Variants in NMNAT2 observed in about 807,000 individuals in gnomAD.
The protein encoded by NMNAT2 is nicotinamide nucleotide adenylyltransferase 2.
NMNAT2 carries 11 observed loss-of-function variants against 41.6 expected under a neutral mutation model. That is an observed-to-expected ratio of 0.26 (90% CI 0.17 to 0.44). The LOEUF (loss-of-function observed/expected upper bound fraction) is 0.44. Ranked by LOEUF, NMNAT2 falls within the 20% of genes least tolerant of loss-of-function variation. NMNAT2 has a pLI of 1.00. For synonymous variants in NMNAT2, 148 were observed against 151.2 expected, an observed-to-expected ratio of 0.98 and a Z score of 0.16; for missense variants, 288 against 407.7, an observed-to-expected ratio of 0.71 and a Z score of 2.53.
chr1:183,287,402 G>A (rs1333511646), intron 4 of NMNAT2, among the ~76,000 whole-genome samples: 1 of 152,224 alleles, frequency 6.6e-6, no homozygotes, highest in Non-Finnish European at 1.5e-5. Context: ...AGGCAGCACA[G>A]GATGTGTTTG....
At chr1:183,364,388 C>A (rs1418511825) in intron 1 of NMNAT2, among the ~76,000 whole-genome samples, 3 of 152,178 alleles carry the variant, frequency 2.0e-5, no homozygotes, top group African/African-American at 7.2e-5. Flanking sequence ...TCTGGTATCC[C>A]ATTGGCAACT....
chr1:183,284,846 G>A, intron 5 of NMNAT2, 56 bp from the exon 6 acceptor site: 1 of 1,458,836 alleles, frequency 6.9e-7, no homozygotes, highest in Non-Finnish European at 9.6e-7. Context: ...ACTCACAACT[G>A]GCACTCATGT....
At chr1:183,292,679 C>T (rs1159519476) in intron 3 of NMNAT2, 111 bp downstream of exon 3, 1 of 961,054 alleles carries the variant, frequency 1.0e-6, no homozygotes, top group African/African-American at 1.6e-5. Flanking sequence ...CTTGCCCCTG[C>T]CTCCCCATCC....
chr1:183,256,333 C>T (rs1660515246), intron 10 of NMNAT2, among the ~76,000 whole-genome samples: 1 of 152,024 alleles, frequency 6.6e-6, no homozygotes, highest in African/African-American at 2.4e-5. Context: ...CACGTGAACC[C>T]AGGAGGCGGA....
chr1:183,350,054 A>C (rs1437142236), intron 1 of NMNAT2, among the ~76,000 whole-genome samples: 1 of 152,190 alleles, frequency 6.6e-6, no homozygotes, highest in Non-Finnish European at 1.5e-5. Flanking sequence ...ACATTCATAC[A>C]TTGAAACCCT....
intron 1 of NMNAT2, among the ~76,000 whole-genome samples, chr1:183,327,868 C>T (rs1162006677): frequency 6.6e-6 from 1 of 152,136 alleles, no homozygotes; most frequent in Non-Finnish European, 1.5e-5. Context: ...CCCTCCCTGT[C>T]CTCGCTGGCC....
At chr1:183,297,570 CGAGGTTT>C (rs1661737104) in intron 1 of NMNAT2, among the ~76,000 whole-genome samples, 1 of 151,940 alleles carries the variant, frequency 6.6e-6, no homozygotes, top group East Asian at 1.9e-4. Flanking sequence ...TTAGTAGAGA[CGAGGTTT>C]CTCCATGTGG....
At chr1:183,254,927 A>G (rs1660479690) in intron 10 of NMNAT2, among the ~76,000 whole-genome samples, 1 of 151,980 alleles carries the variant, frequency 6.6e-6, no homozygotes, top group Non-Finnish European at 1.5e-5. Context: ...TTGAAGTCCC[A>G]TTTATTTATT....
chr1:183,303,157 A>T (rs539156160), intron 1 of NMNAT2, among the ~76,000 whole-genome samples: 1 of 152,268 alleles, frequency 6.6e-6, no homozygotes, highest in Non-Finnish European at 1.5e-5. Context: ...AAAAGCAATG[A>T]TATCATTTTC....
chr1:183,406,925 T>A (rs1463183001), intron 1 of NMNAT2, among the ~76,000 whole-genome samples: 1 of 151,102 alleles, frequency 6.6e-6, no homozygotes, highest in African/African-American at 2.4e-5. Context: ...TTCAAGCAAT[T>A]TTCCTGCCTC....
chr1:183,304,339 T>G (rs1465462504), intron 1 of NMNAT2, among the ~76,000 whole-genome samples: 1 of 152,156 alleles, frequency 6.6e-6, no homozygotes, highest in Non-Finnish European at 1.5e-5. Context: ...GTGGGGTAGA[T>G]AGCATGATAG....
chr1:183,322,253 TGGATTCACAA>T (rs1441413742), intron 1 of NMNAT2, among the ~76,000 whole-genome samples: 1 of 152,232 alleles, frequency 6.6e-6, no homozygotes. Context: ...CATGGGTTTC[TGGATTCACAA>T]GGGTTGCAAA....
intron 1 of NMNAT2, among the ~76,000 whole-genome samples, chr1:183,397,455 A>T (rs1048756324): frequency 5.9e-5 from 9 of 152,306 alleles, no homozygotes; most frequent in African/African-American, 2.2e-4. Context: ...CCTAAAAGTG[A>T]TGGGGAGAAT....
At chr1:183,334,479 G>T (rs775973847) in intron 1 of NMNAT2, among the ~76,000 whole-genome samples, 1 of 152,040 alleles carries the variant, frequency 6.6e-6, no homozygotes, top group Non-Finnish European at 1.5e-5. Context: ...CCACAGGGCC[G>T]GTGGAAGCAG....
chr1:183,298,788 G>A (rs1356774978), intron 1 of NMNAT2, among the ~76,000 whole-genome samples: 1 of 152,172 alleles, frequency 6.6e-6, no homozygotes, highest in African/African-American at 2.4e-5. Flanking sequence ...ACAACAACAA[G>A]AGACATACTA....
chr1:183,320,502 A>C (rs1444926588), intron 1 of NMNAT2, among the ~76,000 whole-genome samples: 1 of 152,208 alleles, frequency 6.6e-6, no homozygotes, highest in African/African-American at 2.4e-5. Flanking sequence ...GCTACTCGGG[A>C]GGCTGAGGCA....
At chr1:183,256,341 G>A (rs923047668) in intron 10 of NMNAT2, among the ~76,000 whole-genome samples, 20 of 152,134 alleles carry the variant, frequency 1.3e-4, no homozygotes, top group Middle Eastern at 3.4e-3. Context: ...CCCAGGAGGC[G>A]GAGGTTGCAG....
At chr1:183,277,536 AG>A (rs1195618804) in intron 8 of NMNAT2, among the ~76,000 whole-genome samples, 1 of 147,626 alleles carries the variant, frequency 6.8e-6, no homozygotes. Context: ...AAAAAAAAAA[AG>A]GAATATATAT....
chr1:183,363,803 A>G (rs1337682253), intron 1 of NMNAT2, among the ~76,000 whole-genome samples: 2 of 152,242 alleles, frequency 1.3e-5, no homozygotes, highest in African/African-American at 4.8e-5. Context: ...ATAACATGAC[A>G]TTCAGTGTCT....
Sources: allele counts gnomAD v4.1 joint callset (sites outside exome capture counted in the v4.1 genomes callset), GRCh38; gene constraint gnomAD v4.1.1; transcripts MANE v1.5; gene names NCBI Gene and HGNC (gene_info 2026-07-23, HGNC 2026-07-21).